The following MAN1A2 variants were observed in gnomAD, a reference collection of about 807,000 sequenced individuals.
The protein encoded by MAN1A2 is mannosidase alpha class 1A member 2, also known as mannosyl-oligosaccharide 1,2-alpha-mannosidase IB.
Under a neutral mutation model 75.7 loss-of-function variants are expected in MAN1A2, and 26 were observed. That is an observed-to-expected ratio of 0.34 (90% confidence interval 0.25 to 0.48). The LOEUF (loss-of-function observed/expected upper bound fraction) is 0.48, where lower values mean the gene tolerates loss of function less well. MAN1A2 is among the 20% of genes least tolerant of loss of function. The pLI, the probability that MAN1A2 is intolerant of heterozygous loss-of-function variation, is 0.99. For synonymous variants in MAN1A2, 247 were observed against 264.6 expected (o/e 0.93, Z 0.65); for missense variants, 562 against 775.5 (o/e 0.72, Z 3.27).
chr1:117,516,103 T>C lies in MAN1A2; in HGVS notation c.1794-6722T>C, dbSNP rs555369305. On this transcript the variant is annotated intron_variant, in intron 12 of 12. Coordinates refer to ENST00000356554, the MANE Select transcript of MAN1A2 (RefSeq NM_006699.5). Reference sequence around the variant, plus strand: ...CCTATCCCACTGCTTCCCTCCATTATTCCTAAAATATTAATATTAATTGCA... The same window carrying C: ...CCTATCCCACTGCTTCCCTCCATTACTCCTAAAATATTAATATTAATTGCA... Among the ~76,000 whole-genome samples the C allele has an allele frequency of 1.2e-3, 182 of 152,250 alleles. 1 individual carries two copies. Among genetic ancestry groups the C allele is most frequent in the African/African-American group, 4.2e-3 (173 of 41,562 alleles).
chr1:117,441,647 AT>A (rs1043878095), intron 5 of MAN1A2, among the ~76,000 whole-genome samples: 1 of 152,158 alleles, frequency 6.6e-6, no homozygotes, highest in Non-Finnish European at 1.5e-5. Context: ...TATCTATATG[AT>A]TTTAAAAGTT....
intron 5 of MAN1A2, among the ~76,000 whole-genome samples, chr1:117,439,597 G>A (rs888951553): frequency 7.2e-5 from 11 of 151,890 alleles, no homozygotes; most frequent in Non-Finnish European, 1.5e-4. Flanking sequence ...GGGTTCAAAT[G>A]ATTCTCCGGC....
Position 117,499,383 on chromosome 1 carries a change from A to G in MAN1A2, c.1506A>G (p.Ala502=), listed in dbSNP as rs1348234119. The G allele has an allele frequency of 3.2e-6, 5 of 1,567,120 alleles. No individual in the cohort carries two copies. The Admixed American group carries it at 9.6e-5, about 30-fold the overall frequency. Residue 502 remains alanine, a splice_region_variant and synonymous_variant, in exon 11 of 13, where the codon GCA becomes GCG. Transcript: ENST00000356554. ...RTCHESYDRT[A]LKLGPESFKF... ...GTTATTTCTTTTGTCATGTTACAGC[A>G]TTAAAGCTAGGTCCTGAATCATTCA...
chr1:117,460,595 C>T lies in MAN1A2; in HGVS notation c.1057C>T (p.Leu353=), dbSNP rs768407195. 6.2e-6 allele frequency: 10 copies of T among 1,605,782 alleles called. 1 individual carries two copies. In the Admixed American group the frequency reaches 1.6e-4, roughly 25 times the overall value. ...FIHLSYLTGD[L]TYYKKVMHIR... is the part of the protein sequence containing the mutation. ...CCACCTCAGCTACTTGACAGGGGAC[C>T]TGACTTACTACAAAAAGGTTTGTTT... Residue 353 remains leucine, a synonymous_variant, in exon 7 of 13, where the codon CTG becomes TTG. Coordinates refer to ENST00000356554, the MANE Select transcript of MAN1A2 (RefSeq NM_006699.5).
chr1:117,480,854 A>C (rs551964621), intron 8 of MAN1A2, among the ~76,000 whole-genome samples: 62 of 151,916 alleles, frequency 4.1e-4, no homozygotes, highest in African/African-American at 1.5e-3. Flanking sequence ...TCTGTTCATT[A>C]TTGCTTTTTG....
intron 5 of MAN1A2, among the ~76,000 whole-genome samples, chr1:117,439,687 G>T (rs1482295069): frequency 6.6e-6 from 1 of 152,074 alleles, no homozygotes; most frequent in African/African-American, 2.4e-5. Flanking sequence ...TAGAGATGGG[G>T]TTTCACCATG....
chr1:117,524,133 T>C lies in MAN1A2; in HGVS notation c.*1176T>C, dbSNP rs1350300980. The C allele has an allele frequency of 1.3e-5, 2 of 152,212 alleles. No individual in the cohort carries two copies. Among genetic ancestry groups the C allele is most frequent in the African/African-American group, 4.8e-5 (2 of 41,396 alleles). The allele number at this position is 152,212 out of a possible 1,614,324, so 9.4% of individuals were successfully genotyped here. A position where few individuals can be genotyped will look rare whatever the true frequency, so the allele number is the denominator to read the frequency against. ...TTTTAATTTTCTCCAAGAATATTTA[T>C]AGAATTCCAAAGAATCAGAATAGTT... On this transcript the variant is annotated 3_prime_UTR_variant, in exon 13 of 13. Coordinates refer to ENST00000356554, the MANE Select transcript of MAN1A2 (RefSeq NM_006699.5).
At chr1:117,444,499 A>G (rs1649146039) in intron 6 of MAN1A2, among the ~76,000 whole-genome samples, 1 of 151,980 alleles carries the variant, frequency 6.6e-6, no homozygotes. Context: ...AATGTGTTCC[A>G]GAAAGGCTGT....
In MAN1A2 at chr1:117,368,394, G is replaced by C; in HGVS notation, c.211G>C (p.Glu71Gln). 6.2e-7 allele frequency: 1 copy of C among 1,614,070 alleles called. No homozygotes were observed. The highest frequency in any genetic ancestry group is 8.5e-7 in the Non-Finnish European group (1 of 1,180,000). Residue 71 changes from glutamate to glutamine, a missense_variant, in exon 1 of 13, where the codon GAA becomes CAA. This residue lies in a region of MAN1A2 where 128 missense variants were observed against 129.8 expected (regional missense o/e 0.99). Transcript: ENST00000356554. ...ACACAAACGCTTTGATTTGGGTTTAGAAGATGTGTTAATTCCACATGTAGA... is the reference window on the plus strand; with the variant it reads ...ACACAAACGCTTTGATTTGGGTTTACAAGATGTGTTAATTCCACATGTAGA... ...SKHKRFDLGL[E>Q]DVLIPHVDAG...
chr1:117,511,313 A>G (rs915705950), intron 12 of MAN1A2, among the ~76,000 whole-genome samples: 1 of 151,998 alleles, frequency 6.6e-6, no homozygotes, highest in African/African-American at 2.4e-5. Flanking sequence ...CACAGAGCCA[A>G]TCCATATCAC....
intron 1 of MAN1A2, among the ~76,000 whole-genome samples, chr1:117,390,354 G>A (rs1653677159): frequency 2.0e-5 from 3 of 151,430 alleles, no homozygotes; most frequent in Admixed American, 6.6e-5. Flanking sequence ...GTTCACTTGA[G>A]TAGTTTTTTT....
At chr1:117,383,907 A>G (rs1037877111) in intron 1 of MAN1A2, among the ~76,000 whole-genome samples, 4 of 152,104 alleles carry the variant, frequency 2.6e-5, no homozygotes, top group African/African-American at 9.7e-5. Flanking sequence ...AGATGCACAC[A>G]TCAAACAAAC....
In MAN1A2 at chr1:117,522,897, C is replaced by T; in HGVS notation, c.1866C>T (p.His622=). 6.2e-7 allele frequency: 1 copy of T among 1,611,080 alleles called. No homozygotes were observed. Among genetic ancestry groups the T allele is most frequent in the Non-Finnish European group, 8.5e-7 (1 of 1,177,810 alleles). The change falls in exon 13 of 13, where the codon CAC becomes CAT. Residue 622 remains histidine, a synonymous_variant. Coordinates refer to ENST00000356554, the MANE Select transcript of MAN1A2 (RefSeq NM_006699.5). The stretch of plus-strand genomic sequence containing the variant: ...ACTGGGTGTTTAATACAGAGGCTCA[C>T]CCTCTGCCTGTGTTACATTTAGCCA... ...LDHWVFNTEA[H]PLPVLHLANT... is the part of the protein sequence containing the mutation.
chr1:117,374,669 A>G (rs964350421), intron 1 of MAN1A2, among the ~76,000 whole-genome samples: 46 of 152,192 alleles, frequency 3.0e-4, no homozygotes, highest in African/African-American at 1.1e-3. Context: ...TGGTTGTTGA[A>G]GTATATTTAG....
chr1:117,463,518 T>C (rs903551397), intron 7 of MAN1A2, among the ~76,000 whole-genome samples: 2 of 150,340 alleles, frequency 1.3e-5, no homozygotes, highest in Admixed American at 6.6e-5. Context: ...AACACACACA[T>C]ACACACACAC....
chr1:117,457,199 T>A (rs1649632208), intron 6 of MAN1A2, among the ~76,000 whole-genome samples: 1 of 152,096 alleles, frequency 6.6e-6, no homozygotes, highest in Non-Finnish European at 1.5e-5. Flanking sequence ...TTACCAAACA[T>A]TTTTAGAATC....
At chr1:117,473,499 C>A (rs1650225315) in intron 8 of MAN1A2, among the ~76,000 whole-genome samples, 1 of 152,036 alleles carries the variant, frequency 6.6e-6, no homozygotes, top group Non-Finnish European at 1.5e-5. Flanking sequence ...CTCTTCATTA[C>A]TTTTCATGTC....
At chr1:117,456,205 GAGT>G (rs1252406187) in intron 6 of MAN1A2, among the ~76,000 whole-genome samples, 6 of 152,048 alleles carry the variant, frequency 3.9e-5, no homozygotes, top group Non-Finnish European at 8.8e-5. Flanking sequence ...GAACGTTCAA[GAGT>G]AAGGTCATTT....
intron 3 of MAN1A2, among the ~76,000 whole-genome samples, chr1:117,406,268 T>G (rs1265217611): frequency 5.3e-5 from 8 of 152,218 alleles, no homozygotes; most frequent in African/African-American, 1.9e-4. Context: ...AAGGTAAGTC[T>G]TCAGAATTGT....
Sources: gnomAD v4.1 joint callset for allele counts (sites outside exome capture counted in the v4.1 genomes callset) on GRCh38, gnomAD v4.1.1 for gene constraint, gnomAD v4.1.1 regional missense constraint, MANE v1.5 for transcripts, NCBI Gene and HGNC (gene_info 2026-07-23, HGNC 2026-07-21) for gene names.